DCLK1: variants seen among roughly 807,000 people sequenced by gnomAD.
DCLK1 encodes the protein serine/threonine-protein kinase DCLK1.
Under a neutral mutation model 86.2 loss-of-function variants are expected in DCLK1, and 16 were observed. That is an observed-to-expected ratio of 0.19 (90% CI 0.13 to 0.28). The LOEUF (loss-of-function observed/expected upper bound fraction) is 0.28. Among genes scored for constraint, DCLK1 ranks in the 10% least tolerant of loss-of-function variants. The probability of loss-of-function intolerance (pLI) is 1.00; values close to 1 mark genes in which losing one functional copy is unlikely to be tolerated. For missense variants in DCLK1, 590 were observed against 940.2 expected (o/e 0.63, Z 4.87); for synonymous variants, 369 against 370.5 (o/e 1.00, Z 0.05).
intron 4 of DCLK1, among the ~76,000 whole-genome samples, chr13:35,900,800 G>A (rs1874308047): frequency 6.6e-6 from 1 of 152,086 alleles, no homozygotes; most frequent in South Asian, 2.1e-4. Context: ...GTACCTTGGG[G>A]GACAAAATCC....
At chr13:35,788,014 A>C (rs2086651696) in intron 16 of DCLK1, 1 of 595,066 alleles carries the variant, frequency 1.7e-6, no homozygotes, top group Admixed American at 3.0e-5. Context: ...AAGCTGGCAA[A>C]TGTCAGTGTG....
At chr13:36,040,334 T>C (rs1407335385) in intron 3 of DCLK1, among the ~76,000 whole-genome samples, 1 of 140,460 alleles carries the variant, frequency 7.1e-6, no homozygotes, top group African/African-American at 2.6e-5. Context: ...GTTTGAGGGA[T>C]ACTACTCAGA....
chr13:36,088,567 A>G (rs1041505869), intron 3 of DCLK1, among the ~76,000 whole-genome samples: 3 of 152,232 alleles, frequency 2.0e-5, no homozygotes, highest in African/African-American at 4.8e-5. Context: ...AGAGAACTAC[A>G]TCCTGGGAAA....
At chr13:35,820,494 T>C (rs765967974) in intron 11 of DCLK1, among the ~76,000 whole-genome samples, 11 of 152,292 alleles carry the variant, frequency 7.2e-5, no homozygotes, top group African/African-American at 2.6e-4. Flanking sequence ...TTAGTAAAAG[T>C]GCACTCCAAT....
chr13:35,853,145 G>C (rs1007727207), intron 6 of DCLK1, among the ~76,000 whole-genome samples: 1 of 152,170 alleles, frequency 6.6e-6, no homozygotes, highest in African/African-American at 2.4e-5. Flanking sequence ...TCTTGGAGTT[G>C]TTCACAAATG....
At chr13:35,840,589 T>A (rs543855504) in intron 6 of DCLK1, among the ~76,000 whole-genome samples, 8 of 152,342 alleles carry the variant, frequency 5.3e-5, no homozygotes, top group East Asian at 3.9e-4. Context: ...GTTTGTGTAA[T>A]GTGCCCATTA....
At chr13:35,781,902 T>C (rs553570241) in intron 16 of DCLK1, among the ~76,000 whole-genome samples, 6 of 152,324 alleles carry the variant, frequency 3.9e-5, no homozygotes, top group Admixed American at 1.3e-4. Flanking sequence ...GATTGAAATA[T>C]CCACCCTCCT....
chr13:35,851,061 T>C (rs1351441908), intron 6 of DCLK1, among the ~76,000 whole-genome samples: 1 of 152,266 alleles, frequency 6.6e-6, no homozygotes, highest in African/African-American at 2.4e-5. Context: ...TCTGTAAAGG[T>C]CAACTCCACT....
chr13:35,922,721 G>C (rs1468549785), intron 4 of DCLK1, among the ~76,000 whole-genome samples: 5 of 152,286 alleles, frequency 3.3e-5, no homozygotes, highest in South Asian at 4.1e-4. Flanking sequence ...ATAAATCCTG[G>C]TTGAAGACTA....
intron 2 of DCLK1, among the ~76,000 whole-genome samples, chr13:36,122,857 C>T (rs1268436093): frequency 1.3e-5 from 2 of 152,194 alleles, no homozygotes; most frequent in Non-Finnish European, 2.9e-5. Flanking sequence ...CACATTCACA[C>T]TGACTATATG....
intron 5 of DCLK1, among the ~76,000 whole-genome samples, chr13:35,856,719 A>G (rs4391923): frequency 0.25 from 38,561 of 152,124 alleles, 5,168 homozygotes; most frequent in East Asian, 0.35. Context: ...TTTTTGAAAG[A>G]CATTTATTTT....
At chr13:35,845,441 A>G (rs1374758205) in intron 6 of DCLK1, among the ~76,000 whole-genome samples, 1 of 152,232 alleles carries the variant, frequency 6.6e-6, no homozygotes, top group South Asian at 2.1e-4. Context: ...TAAAAGAAAT[A>G]GCTTGTATAA....
At chr13:35,791,685 A>T (rs1414243483) in intron 16 of DCLK1, among the ~76,000 whole-genome samples, 1 of 152,206 alleles carries the variant, frequency 6.6e-6, no homozygotes, top group Non-Finnish European at 1.5e-5. Flanking sequence ...AATACTGTGA[A>T]CAAACAAATA....
Position 35,825,682 on chromosome 13 carries a change from C to T in DCLK1, c.1407+1953G>A, listed in dbSNP as rs80255119. Among the ~76,000 whole-genome samples the T allele has an allele frequency of 0.011, 1,683 of 152,210 alleles. 53 individuals are homozygous for T. In the East Asian group the frequency reaches 0.11, roughly 10 times the overall value. The stretch of plus-strand genomic sequence containing the variant: ...TTGAAGTTGTTAGTTTAAAAATTAA[C>T]ATTGTTGTAAAAAGACTCCTTGGTA... On this transcript the variant is annotated intron_variant, in intron 10 of 16. Coordinates refer to ENST00000360631, the MANE Select transcript of DCLK1 (RefSeq NM_001330071.2).
intron 7 of DCLK1, among the ~76,000 whole-genome samples, 188 bp from the exon 8 acceptor site, chr13:35,836,329 C>G (rs1347301438): frequency 6.6e-6 from 1 of 152,136 alleles, no homozygotes; most frequent in Admixed American, 6.5e-5. Flanking sequence ...TTTACTAAGA[C>G]AAATGATAAA....
intron 4 of DCLK1, among the ~76,000 whole-genome samples, chr13:35,919,835 T>G (rs1054881288): frequency 1.9e-4 from 27 of 140,650 alleles, no homozygotes; most frequent in African/African-American, 7.2e-4. Context: ...AAGAAAAAAA[T>G]GTTTACCTTC....
At chr13:36,026,632 T>C (rs1002905314) in intron 3 of DCLK1, among the ~76,000 whole-genome samples, 3 of 152,242 alleles carry the variant, frequency 2.0e-5, no homozygotes, top group Non-Finnish European at 4.4e-5. Flanking sequence ...CTTTTAATTA[T>C]TGCTTTAGGG....
chr13:35,879,921 C>A (rs1460396283), intron 4 of DCLK1, among the ~76,000 whole-genome samples: 1 of 152,142 alleles, frequency 6.6e-6, no homozygotes, highest in East Asian at 1.9e-4. Context: ...AAAACGTCCC[C>A]ACACATTCCC....
At chr13:35,991,166 A>G (rs368643372) in intron 3 of DCLK1, among the ~76,000 whole-genome samples, 12 of 152,282 alleles carry the variant, frequency 7.9e-5, no homozygotes, top group African/African-American at 2.6e-4. Flanking sequence ...CTTTACCTAA[A>G]GAAAAGTGCC....
Sources: gnomAD v4.1 joint callset for allele counts (sites outside exome capture counted in the v4.1 genomes callset) on GRCh38, gnomAD v4.1.1 for gene constraint, MANE v1.5 for transcripts, NCBI Gene and HGNC (gene_info 2026-07-23, HGNC 2026-07-21) for gene names.